Variants in DNER observed in about 807,000 individuals in gnomAD.
The protein encoded by DNER is delta and Notch-like epidermal growth factor-related receptor.
A neutral mutation model predicts 78.2 loss-of-function variants in DNER; 33 were observed. The observed-to-expected ratio is 0.42, with a 90% CI of 0.32 to 0.56. The LOEUF is 0.56. DNER is among the 20% of genes least tolerant of loss of function. DNER has a pLI of 0.11. For missense variants in DNER, 918 were observed against 975.3 expected, an observed-to-expected ratio of 0.94 and a Z score of 0.78; for synonymous variants, 417 against 384.8, an observed-to-expected ratio of 1.08 and a Z score of -0.98.
Position 229,609,770 on chromosome 2 carries a change from C to T in DNER, c.277-17882G>A, listed in dbSNP as rs16826265. On this transcript the variant is annotated intron_variant, in intron 1 of 12. Transcript: ENST00000341772. ...GACCCAATGCAGGAAAAGGCAAGGA[C>T]GATTTTCTTCTGTGGATTGTACATT... is the stretch of plus-strand genomic sequence containing the variant. Among the ~76,000 whole-genome samples the T allele has an allele frequency of 6.2e-4, 95 of 152,242 alleles. 1 individual carries two copies. The highest frequency in any genetic ancestry group is 2.7e-3 in the Admixed American group (41 of 15,300).
intron 7 of DNER, among the ~76,000 whole-genome samples, chr2:229,470,174 C>T (rs556924552): frequency 6.7e-6 from 1 of 149,396 alleles, no homozygotes; most frequent in East Asian, 2.0e-4. Context: ...GATCTTGACA[C>T]ACACCTTTAG....
At chr2:229,496,532 T>C (rs1193154211) in intron 6 of DNER, among the ~76,000 whole-genome samples, 10 of 152,108 alleles carry the variant, frequency 6.6e-5, no homozygotes, top group Non-Finnish European at 8.8e-5. Flanking sequence ...TTTTTTTAAG[T>C]CCTAATTATA....
intron 1 of DNER, among the ~76,000 whole-genome samples, chr2:229,594,503 T>C (rs6436877): frequency 0.89 from 135,098 of 152,022 alleles, 60,862 homozygotes; most frequent in East Asian, 0.96. Flanking sequence ...GGGAGAATCA[T>C]TTGAACCCAG....
Position 229,538,500 on chromosome 2 carries a change from G to A in DNER, c.993+8447C>T, listed in dbSNP as rs150763059. ...CTGCCTCAGCCTCCTGAGTAGCTGG[G>A]ATTATAGGCATGCATCACCCTGCCC... On this transcript the variant is annotated intron_variant, in intron 5 of 12. Coordinates refer to ENST00000341772, the MANE Select transcript of DNER (RefSeq NM_139072.4). 7.3e-3 allele frequency among the ~76,000 whole-genome samples: 1,107 copies of A among 152,046 alleles called. 8 individuals are homozygous for A. Among genetic ancestry groups the A allele is most frequent in the African/African-American group, 0.025 (1,058 of 41,492 alleles).
rs550621386 is a variant in DNER, at chr2:229,637,350, T to C, written c.277-45462A>G. Reference sequence around the variant, plus strand: ...GTTTGATATTAAATATGCTTTAGTCTTTACTCTTGGTCCATAGTGGTGTGC... The same window carrying C: ...GTTTGATATTAAATATGCTTTAGTCCTTACTCTTGGTCCATAGTGGTGTGC... On this transcript the variant is annotated intron_variant, in intron 1 of 12. Coordinates refer to ENST00000341772, the MANE Select transcript of DNER (RefSeq NM_139072.4). Among the ~76,000 whole-genome samples, 128 of 152,364 alleles carry C rather than the reference T, an allele frequency of 8.4e-4. 1 individual carries two copies. Among genetic ancestry groups the C allele is most frequent in the Middle Eastern group, 3.4e-3 (1 of 294 alleles).
At chr2:229,476,649 T>C (rs2154211308) in intron 7 of DNER, among the ~76,000 whole-genome samples, 2 of 152,258 alleles carry the variant, frequency 1.3e-5, no homozygotes, top group Middle Eastern at 3.4e-3. Flanking sequence ...TTGATAGCTG[T>C]GATTATCTGC....
At chr2:229,647,435 C>A (rs896711210) in intron 1 of DNER, among the ~76,000 whole-genome samples, 4 of 152,222 alleles carry the variant, frequency 2.6e-5, no homozygotes, top group Non-Finnish European at 5.9e-5. Flanking sequence ...AGAATATTCA[C>A]ATCATTGCAG....
At chr2:229,414,434 T>C (rs1433092154) in intron 9 of DNER, among the ~76,000 whole-genome samples, 1 of 151,958 alleles carries the variant, frequency 6.6e-6, no homozygotes, top group African/African-American at 2.4e-5. Context: ...ACCTGGCTAA[T>C]TTTCGTATTT....
chr2:229,676,145 T>C (rs1445719071), intron 1 of DNER, among the ~76,000 whole-genome samples: 2 of 152,240 alleles, frequency 1.3e-5, no homozygotes, highest in East Asian at 3.9e-4. Context: ...AGCTAATGAT[T>C]CTAAGTTTGA....
rs1692123347 is a variant in DNER, at chr2:229,357,909, C to T, written c.*631G>A. ...CAGAATTTGCCTCGCTAGGCCTTTT[C>T]GTTACGTATGTTTTTGAGGCCTAGT... On this transcript the variant is annotated 3_prime_UTR_variant, in exon 13 of 13. Transcript: ENST00000341772. 1.3e-5 allele frequency: 2 copies of T among 152,538 alleles called. No homozygotes were observed. The highest frequency in any genetic ancestry group is 2.4e-5 in the African/African-American group (1 of 41,438). The allele number at this position is 152,538 out of a possible 1,614,324, so 9.4% of individuals were successfully genotyped here.
At chr2:229,436,906 C>CAACTAAAA (rs1694132753) in intron 8 of DNER, among the ~76,000 whole-genome samples, 1 of 152,162 alleles carries the variant, frequency 6.6e-6, no homozygotes, top group Admixed American at 6.5e-5. Context: ...GCACAATAAC[C>CAACTAAAA]AACTAAAAAC....
chr2:229,440,495 A>G (rs890683579), intron 8 of DNER, among the ~76,000 whole-genome samples: 5 of 151,884 alleles, frequency 3.3e-5, no homozygotes, highest in East Asian at 1.9e-4. Flanking sequence ...ACTACCTCCA[A>G]CCTCAAAGCA....
intron 9 of DNER, among the ~76,000 whole-genome samples, chr2:229,416,044 C>T (rs1236643631): frequency 6.6e-6 from 1 of 152,186 alleles, no homozygotes. Flanking sequence ...CTTTCTTCAC[C>T]TCACAGACAC....
chr2:229,520,079 A>G (rs1262526810), intron 5 of DNER, among the ~76,000 whole-genome samples: 3 of 152,174 alleles, frequency 2.0e-5, no homozygotes, highest in African/African-American at 7.2e-5. Context: ...CCAGAATTGG[A>G]AGTCCTTGAT....
chr2:229,477,075 C>A, intron 7 of DNER, 65 bp downstream of exon 7: 2 of 1,312,782 alleles, frequency 1.5e-6, no homozygotes, highest in Non-Finnish European at 2.2e-6. Flanking sequence ...AAGTATAAGG[C>A]TGATCAAATT....
intron 5 of DNER, among the ~76,000 whole-genome samples, chr2:229,539,077 T>A (rs1696465989): frequency 6.6e-6 from 1 of 152,220 alleles, no homozygotes. Flanking sequence ...CCTTGAAAGC[T>A]GCAGTTTTGG....
chr2:229,606,199 C>A (rs1374653926), intron 1 of DNER: 1 of 152,174 alleles, frequency 6.6e-6, no homozygotes, highest in African/African-American at 2.4e-5. Context: ...GGAAATAAGA[C>A]CTACAGTTCT....
At chr2:229,585,085 T>C (rs537794195) in intron 4 of DNER, among the ~76,000 whole-genome samples, 4 of 152,102 alleles carry the variant, frequency 2.6e-5, no homozygotes, top group South Asian at 2.1e-4. Context: ...TACTTCTGAG[T>C]TGGGGACCCT....
At chr2:229,689,609 G>C (rs1699535796) in intron 1 of DNER, among the ~76,000 whole-genome samples, 1 of 152,166 alleles carries the variant, frequency 6.6e-6, no homozygotes, top group Non-Finnish European at 1.5e-5. Context: ...GGCACTTCCT[G>C]CATTCTGAAA....
Sources: gnomAD v4.1 joint callset for allele counts (sites outside exome capture counted in the v4.1 genomes callset) on GRCh38, gnomAD v4.1.1 for gene constraint, MANE v1.5 for transcripts, NCBI Gene and HGNC (gene_info 2026-07-23, HGNC 2026-07-21) for gene names.